The following KIF16B variants were observed in gnomAD, a reference collection of about 807,000 sequenced individuals.
KIF16B encodes kinesin-like protein KIF16B.
KIF16B carries 98 observed loss-of-function variants against 156.3 expected under a neutral mutation model. That is an observed-to-expected ratio of 0.63 (90% CI 0.53 to 0.74). The LOEUF is 0.74. Among genes scored for constraint, KIF16B ranks in the 30% least tolerant of loss-of-function variants. The probability of loss-of-function intolerance (pLI) is 0.00; values close to 1 mark genes in which losing one functional copy is unlikely to be tolerated. For missense variants in KIF16B, 1,421 were observed against 1,606.5 expected, an observed-to-expected ratio of 0.88 and a Z score of 1.97; for synonymous variants, 564 against 583.7, an observed-to-expected ratio of 0.97 and a Z score of 0.49.
intron 15 of KIF16B, among the ~76,000 whole-genome samples, chr20:16,425,365 TTAAA>T (rs1338118321): frequency 6.6e-6 from 1 of 152,058 alleles, no homozygotes; most frequent in East Asian, 1.9e-4. Context: ...GTGTGACCCT[TTAAA>T]TAGATAAATG....
At chr20:16,515,405 C>T in intron 4 of KIF16B, 143 bp downstream of exon 4, 1 of 542,032 alleles carries the variant, frequency 1.8e-6, no homozygotes, top group Middle Eastern at 2.9e-4. Flanking sequence ...TTTAGTCCAA[C>T]TTATTACTGA....
At chr20:16,347,388 A>T (rs2064252997) in intron 23 of KIF16B, among the ~76,000 whole-genome samples, 1 of 152,194 alleles carries the variant, frequency 6.6e-6, no homozygotes, top group Non-Finnish European at 1.5e-5. Context: ...TTTGAGTGAA[A>T]TGGAAATTGA....
At chr20:16,556,543 C>A (rs1426087046) in intron 1 of KIF16B, among the ~76,000 whole-genome samples, 2 of 152,224 alleles carry the variant, frequency 1.3e-5, no homozygotes, top group African/African-American at 4.8e-5. Flanking sequence ...ATTAGCAGCA[C>A]AAGTGACCTT....
At chr20:16,450,080 C>T (rs1204944257) in intron 12 of KIF16B, among the ~76,000 whole-genome samples, 3 of 152,044 alleles carry the variant, frequency 2.0e-5, no homozygotes, top group Admixed American at 6.5e-5. Flanking sequence ...GGCAAACATA[C>T]GCTTTTCAAA....
intron 25 of KIF16B, among the ~76,000 whole-genome samples, chr20:16,308,775 A>G (rs775361689): frequency 2.6e-5 from 4 of 152,264 alleles, no homozygotes; most frequent in Non-Finnish European, 5.9e-5. Flanking sequence ...TCTGGTCTAC[A>G]ACACAATGGC....
In KIF16B at chr20:16,385,812, C is replaced by T. The variant is rs534299121; in HGVS notation, c.1785-4065G>A. Among the ~76,000 whole-genome samples, 4 of 152,260 alleles carry T rather than the reference C, an allele frequency of 2.6e-5. No homozygotes were observed. The East Asian group carries it at 7.7e-4, about 29-fold the overall frequency. On this transcript the variant is annotated intron_variant, in intron 17 of 25. Coordinates refer to ENST00000354981, the MANE Select transcript of KIF16B (RefSeq NM_024704.5). ...CACGGGGGACTCACTCCATACCTGG[C>T]ACTGTTCTAGGTACTGTGAATTTAA...
intron 10 of KIF16B, among the ~76,000 whole-genome samples, chr20:16,501,575 C>T (rs764903758): frequency 1.3e-5 from 2 of 151,906 alleles, no homozygotes; most frequent in African/African-American, 2.4e-5. Flanking sequence ...AGTAACAGCC[C>T]GAAATAGGAA....
At chr20:16,492,515 C>T (rs931492192) in intron 12 of KIF16B, among the ~76,000 whole-genome samples, 2 of 152,102 alleles carry the variant, frequency 1.3e-5, no homozygotes, top group Non-Finnish European at 2.9e-5. Flanking sequence ...TATGAAAAGT[C>T]ATAAAAAAGA....
rs1309129260 is a variant in KIF16B at position 16,518,843 on chromosome 20, C to A, written c.232-3179G>T. Among the ~76,000 whole-genome samples the A allele has an allele frequency of 2.6e-5, 4 of 152,054 alleles. No individual in the cohort carries two copies. In the East Asian group the frequency reaches 7.7e-4, roughly 29 times the overall value. On this transcript the variant is annotated intron_variant, in intron 3 of 25. Coordinates refer to ENST00000354981, the MANE Select transcript of KIF16B (RefSeq NM_024704.5). ...TACATTCAAATCACACACACACACA[C>A]CATGCTACACTAGCATCTTCCCCTA...
At chr20:16,292,932 T>C (rs372636251) in intron 25 of KIF16B, among the ~76,000 whole-genome samples, 5 of 152,206 alleles carry the variant, frequency 3.3e-5, no homozygotes, top group South Asian at 2.1e-4. Flanking sequence ...GTGGACCACA[T>C]AGTGCAGTGC....
intron 25 of KIF16B, among the ~76,000 whole-genome samples, chr20:16,282,565 A>T (rs1349007891): frequency 2.0e-5 from 3 of 151,998 alleles, no homozygotes; most frequent in African/African-American, 4.8e-5. Flanking sequence ...GCAGGTGAAG[A>T]CATTGGAGAA....
intron 11 of KIF16B, among the ~76,000 whole-genome samples, chr20:16,494,592 A>G (rs947280471): frequency 6.6e-6 from 1 of 152,244 alleles, no homozygotes. Context: ...GAATTTCACA[A>G]CTGCCTTTTT....
chr20:16,378,754 A>C, intron 19 of KIF16B, 51 bp downstream of exon 19: 1 of 1,492,600 alleles, frequency 6.7e-7, no homozygotes, highest in East Asian at 2.3e-5. Flanking sequence ...GTGAAAAATG[A>C]GCACTCATTT....
At chr20:16,530,705 G>T (rs147131856) in intron 1 of KIF16B, among the ~76,000 whole-genome samples, 1 of 152,024 alleles carries the variant, frequency 6.6e-6, no homozygotes, top group African/African-American at 2.4e-5. Flanking sequence ...TGTTGTTGTT[G>T]TTTGGTTTTT....
At chr20:16,394,765 C>G (rs548347899) in intron 17 of KIF16B, among the ~76,000 whole-genome samples, 2 of 152,056 alleles carry the variant, frequency 1.3e-5, no homozygotes, top group Non-Finnish European at 2.9e-5. Context: ...AAAGTAGCAG[C>G]GAGTGAGTGA....
At chr20:16,301,335 C>T (rs182093905) in intron 25 of KIF16B, among the ~76,000 whole-genome samples, 17 of 152,260 alleles carry the variant, frequency 1.1e-4, no homozygotes, top group African/African-American at 3.9e-4. Context: ...GTTTCAACTT[C>T]TTTGGGTCAA....
At position 16,573,331 on chromosome 20, in the gene KIF16B, C is replaced by G. The variant is rs921453996; in HGVS notation, c.-56G>C. 8 of 1,588,074 alleles carry G rather than the reference C, an allele frequency of 5.0e-6. No individual in the cohort carries two copies. Among genetic ancestry groups the G allele is most frequent in the Admixed American group, 1.7e-5 (1 of 58,808 alleles). ...CCACTAGCCCAGAACTCCGCGGTCGCCGGCGACGCTGGCTACTCAGATCGC... is the reference window on the plus strand; with the variant it reads ...CCACTAGCCCAGAACTCCGCGGTCGGCGGCGACGCTGGCTACTCAGATCGC... On this transcript the variant is annotated 5_prime_UTR_variant, in exon 1 of 26. Transcript: ENST00000354981.
At position 16,351,836 on chromosome 20, in the gene KIF16B, C is replaced by A. The variant is rs76804088; in HGVS notation, c.3621+4494G>T. On this transcript the variant is annotated intron_variant, in intron 23 of 25. Transcript: ENST00000354981. The stretch of plus-strand genomic sequence containing the variant: ...GAGAGGGGCGACACCAAAATGATAA[C>A]CTTTTGTATCATCAGGTAAGAATAT... Among the ~76,000 whole-genome samples, 181 of 152,268 alleles carry A rather than the reference C, an allele frequency of 1.2e-3. 6 individuals are homozygous for A. In the East Asian group the frequency reaches 0.03, roughly 26 times the overall value.
chr20:16,452,059 G>A (rs976947726), intron 12 of KIF16B, among the ~76,000 whole-genome samples: 2 of 152,094 alleles, frequency 1.3e-5, no homozygotes, highest in African/African-American at 4.8e-5. Context: ...GGTAAGAATG[G>A]GTGGGTCTGT....
Sources: gnomAD v4.1 joint callset for allele counts (sites outside exome capture counted in the v4.1 genomes callset) on GRCh38, gnomAD v4.1.1 for gene constraint, MANE v1.5 for transcripts, NCBI Gene and HGNC (gene_info 2026-07-23, HGNC 2026-07-21) for gene names.